The following MTUS1 variants were observed in gnomAD, a reference collection of about 807,000 sequenced individuals.
The protein encoded by MTUS1 is microtubule-associated tumor suppressor 1.
In MTUS1, 109 loss-of-function variants were observed where a neutral mutation model predicts 120.8. The ratio of observed to expected loss-of-function variants is 0.90; its 90% CI spans 0.77 to 1.06. MTUS1 has a LOEUF of 1.06. MTUS1 is among the 50% of genes least tolerant of loss of function. The pLI is 0.00. For synonymous variants in MTUS1, 737 were observed against 550.5 expected (o/e 1.34, Z -4.74); for missense variants, 2,210 against 1,486.3 (o/e 1.49, Z -8.01).
intron 3 of MTUS1, among the ~76,000 whole-genome samples, chr8:17,742,526 G>A (rs1032668340): frequency 1.3e-5 from 2 of 151,930 alleles, no homozygotes; most frequent in Non-Finnish European, 2.9e-5. Context: ...TCTCCCAGAT[G>A]ATGAACACTC....
Position 17,645,960 on chromosome 8 carries a change from C to A in MTUS1, c.3779G>T (p.Gly1260Val). 5.0e-6 allele frequency: 8 copies of A among 1,612,740 alleles called. No homozygotes were observed. The highest frequency in any genetic ancestry group is 6.8e-6 in the Non-Finnish European group (8 of 1,179,916). ...AIPLQSPRNS[G>V]SFPSPSISPR ...TGAAATGCTGGGGCTAGGGAAGGAG[C>A]CCGAATTCCTTGGTGACTGCAAAGG... Residue 1260 changes from glycine to valine, a missense_variant, in exon 15 of 15, where the codon GGC (glycine) becomes GTC (valine). Coordinates refer to ENST00000693296, the MANE Select transcript of MTUS1 (RefSeq NM_001363059.2).
At chr8:17,685,759 T>C (rs1815656229) in intron 6 of MTUS1, among the ~76,000 whole-genome samples, 2 of 152,242 alleles carry the variant, frequency 1.3e-5, no homozygotes, top group Admixed American at 1.3e-4. Context: ...TTTGTATTAA[T>C]ACTTGATAAT....
intron 6 of MTUS1, chr8:17,697,490 G>A: frequency 1.4e-6 from 2 of 1,468,608 alleles, no homozygotes; most frequent in African/African-American, 1.4e-5. Context: ...TCAGAGGAAA[G>A]ATGCCTACAC....
intron 8 of MTUS1, among the ~76,000 whole-genome samples, chr8:17,658,759 AG>A (rs1323251450): frequency 6.6e-6 from 1 of 152,214 alleles, no homozygotes; most frequent in Non-Finnish European, 1.5e-5. Flanking sequence ...GCAGGTTCTT[AG>A]GAAGATTTCC....
In MTUS1 at chr8:17,684,330, C is replaced by T. The variant is rs1232060650; in HGVS notation, c.2836G>A (p.Glu946Lys). 1 of 1,612,984 alleles carries T rather than the reference C, an allele frequency of 6.2e-7. No individual in the cohort carries two copies. Among genetic ancestry groups the T allele is most frequent in the South Asian group, 1.1e-5 (1 of 91,064 alleles). ...LTVVIQHLLS[E>K]REEALKQHKT... ...CTTTCTAGGATGCACCTCCTTACCT[C>T]AGACAGCAGGTGCTGAATCACAACT... The change falls in exon 7 of 15, where the codon GAG becomes AAG. Residue 946 changes from glutamate to lysine, a missense_variant and splice_region_variant. Glu to Lys is a moderately conservative substitution (Grantham distance 56). Transcript: ENST00000693296.
chr8:17,788,779 T>C (rs1209848086), intron 1 of MTUS1, among the ~76,000 whole-genome samples: 4 of 152,298 alleles, frequency 2.6e-5, no homozygotes, highest in Non-Finnish European at 5.9e-5. Context: ...TCACATCATA[T>C]TGTAGATGAT....
In MTUS1 at chr8:17,742,279, TTTGTTGTTGTTG is replaced by T. The variant is rs1164422824; in HGVS notation, c.2287+1313_2287+1324del. On this transcript the variant is annotated intron_variant, in intron 3 of 14. Coordinates refer to ENST00000693296, the MANE Select transcript of MTUS1 (RefSeq NM_001363059.2). ...CTCTCATGCCCAGCTGTTTTTTTTT[TTTGTTGTTGTTG>T]TTTTTTTTTTTTTTTTTTTTAGAGA... is the stretch of plus-strand genomic sequence containing the variant. 4.7e-3 allele frequency among the ~76,000 whole-genome samples: 568 copies of T among 120,058 alleles called. 43 individuals carry two copies. The highest frequency in any genetic ancestry group is 0.017 in the African/African-American group (493 of 28,944). 78.8% of individuals were successfully genotyped at this position (120,058 alleles called of 152,430 possible).
At chr8:17,737,061 CAT>C (rs1242207322) in intron 3 of MTUS1, among the ~76,000 whole-genome samples, 4 of 152,224 alleles carry the variant, frequency 2.6e-5, no homozygotes, top group African/African-American at 9.6e-5. Context: ...CTCCTTCACA[CAT>C]ATGTGGTTTA....
rs1014405993 is a variant in MTUS1, at chr8:17,643,963, A to C, written c.*1963T>G. 1.3e-5 allele frequency: 2 copies of C among 152,162 alleles called. No individual in the cohort carries two copies. Among genetic ancestry groups the C allele is most frequent in the Non-Finnish European group, 2.9e-5 (2 of 68,040 alleles). The allele number at this position is 152,162 out of a possible 1,614,324, so 9.4% of individuals were successfully genotyped here. A position where few individuals can be genotyped will look rare whatever the true frequency, so the allele number is the denominator to read the frequency against. ...TTAAACAAAATCTTAAGAATTCTCT[A>C]TTTTGTTTCCCATCTTCCCTCCTGT... is the stretch of plus-strand genomic sequence containing the variant. On this transcript the variant is annotated 3_prime_UTR_variant, in exon 15 of 15. Transcript: ENST00000693296.
chr8:17,672,282 G>C (rs958120616), intron 8 of MTUS1, among the ~76,000 whole-genome samples: 1 of 152,112 alleles, frequency 6.6e-6, no homozygotes, highest in Non-Finnish European at 1.5e-5. Flanking sequence ...TTAACACTTG[G>C]TGCTAGATGC....
At chr8:17,744,563 G>A (rs1385007304) in intron 2 of MTUS1, among the ~76,000 whole-genome samples, 2 of 151,904 alleles carry the variant, frequency 1.3e-5, no homozygotes, top group Admixed American at 6.6e-5. Context: ...TGGGATTACG[G>A]GTGCACACCA....
chr8:17,748,381 G>C (rs1318853571), intron 2 of MTUS1, among the ~76,000 whole-genome samples: 1 of 152,200 alleles, frequency 6.6e-6, no homozygotes, highest in Non-Finnish European at 1.5e-5. Context: ...TCCTTCAGGT[G>C]TCCATGTGAC....
At chr8:17,727,498 C>T (rs145388713) in intron 3 of MTUS1, among the ~76,000 whole-genome samples, 2 of 152,158 alleles carry the variant, frequency 1.3e-5, no homozygotes, top group South Asian at 2.1e-4. Flanking sequence ...GAAAACCGTA[C>T]GGATGCAACA....
At chr8:17,663,058 A>C (rs1312582940) in intron 8 of MTUS1, among the ~76,000 whole-genome samples, 1 of 151,262 alleles carries the variant, frequency 6.6e-6, no homozygotes, top group African/African-American at 2.4e-5. Context: ...ATATCTCAGC[A>C]AGAAAAAAAA....
intron 3 of MTUS1, among the ~76,000 whole-genome samples, chr8:17,733,448 C>G (rs2131192165): frequency 6.6e-6 from 1 of 151,812 alleles, no homozygotes; most frequent in South Asian, 2.1e-4. Flanking sequence ...ACCAAATAGT[C>G]ATAAATTTTT....
At chr8:17,689,799 T>TA (rs1816590947) in intron 6 of MTUS1, among the ~76,000 whole-genome samples, 1 of 152,116 alleles carries the variant, frequency 6.6e-6, no homozygotes, top group Non-Finnish European at 1.5e-5. Flanking sequence ...AAGGACACCC[T>TA]ATTCAATAAA....
At chr8:17,761,927 T>G (rs889815889) in intron 1 of MTUS1, among the ~76,000 whole-genome samples, 38 of 152,152 alleles carry the variant, frequency 2.5e-4, no homozygotes, top group African/African-American at 9.2e-4. Flanking sequence ...CAACCTCCCT[T>G]GAATCAAAAA....
chr8:17,743,924 G>C, intron 2 of MTUS1, 125 bp from the exon 3 acceptor site: 1 of 741,450 alleles, frequency 1.3e-6, no homozygotes, highest in African/African-American at 1.8e-5. Context: ...TTCAGGCCAT[G>C]ATGGCAAAGA....
At chr8:17,749,889 C>A (rs1179917632) in intron 2 of MTUS1, among the ~76,000 whole-genome samples, 1 of 152,262 alleles carries the variant, frequency 6.6e-6, no homozygotes, top group Non-Finnish European at 1.5e-5. Context: ...TCATGGGCCA[C>A]TGGTCACTCA....
Sources: gnomAD v4.1 joint callset for allele counts (sites outside exome capture counted in the v4.1 genomes callset) on GRCh38, gnomAD v4.1.1 for gene constraint, MANE v1.5 for transcripts, NCBI Gene and HGNC (gene_info 2026-07-23, HGNC 2026-07-21) for gene names.